ELAC2: variants seen among roughly 807,000 people sequenced by gnomAD.
The protein encoded by ELAC2 is elaC ribonuclease Z 2, also known as zinc phosphodiesterase ELAC protein 2.
ELAC2 carries 92 observed loss-of-function variants against 105.2 expected under a neutral mutation model. That is an observed-to-expected ratio of 0.87 (90% CI 0.74 to 1.04). The LOEUF is 1.04. ELAC2 is among the 50% of genes least tolerant of loss of function. The pLI is 0.00. For missense variants in ELAC2, 1,099 were observed against 1,071.7 expected (o/e 1.03, Z -0.36); for synonymous variants, 468 against 409.1 (o/e 1.14, Z -1.74).
intron 8 of ELAC2, among the ~76,000 whole-genome samples, chr17:13,006,990 G>A (rs1017727094): frequency 2.6e-5 from 4 of 151,844 alleles, no homozygotes; most frequent in South Asian, 2.1e-4. Context: ...GTGTGGTGAC[G>A]TGCGCCTGTA....
chr17:13,002,809 A>T (rs2040890839), intron 12 of ELAC2: 1 of 637,054 alleles, frequency 1.6e-6, no homozygotes, highest in South Asian at 1.9e-5. Context: ...TGAGAGGAAA[A>T]ACAAGAAAAA....
intron 19 of ELAC2, 127 bp downstream of exon 19, chr17:12,995,576 A>G: frequency 1.1e-6 from 1 of 889,132 alleles, no homozygotes; most frequent in Non-Finnish European, 1.8e-6. Flanking sequence ...TGCTTCTGCC[A>G]TCTGGGACCA....
chr17:13,017,866 G>A lies in ELAC2; in HGVS notation c.82C>T (p.Arg28Cys), dbSNP rs763864314. Residue 28 changes from arginine (R) to cysteine (C), a missense_variant, in exon 1 of 24, where the codon CGC (arginine) becomes TGC (cysteine). Coordinates refer to ENST00000338034, the MANE Select transcript of ELAC2 (RefSeq NM_018127.7). ...QGRTISQAPA[R>C]RERPRKDPLR... ...GGGTCCTTGCGCGGCCGCTCGCGGC[G>A]GGCGGGTGCCTGCGATATGGTGCGT... The A allele has an allele frequency of 1.5e-5, 23 of 1,554,516 alleles. No individual in the cohort carries two copies. The Admixed American group carries it at 4.2e-4, about 29-fold the overall frequency.
rs575971002 is a variant in ELAC2 at position 13,013,398 on chromosome 17, G to A, written c.491-123C>T. ...CAGAATTATGGTGGGAATCTGACAC[G>A]AAAACCAGACTTTCTAAGGAGATTA... On this transcript the variant is annotated intron_variant, in intron 5 of 23. Transcript: ENST00000338034. 285 of 1,029,942 alleles carry A rather than the reference G, an allele frequency of 2.8e-4. 1 individual carries two copies. In the African/African-American group the frequency reaches 3.7e-3, roughly 14 times the overall value. The allele number at this position is 1,029,942 out of a possible 1,614,324, so 63.8% of individuals were successfully genotyped here.
Position 12,992,290 on chromosome 17 carries a change from C to T in ELAC2, c.*528G>A, listed in dbSNP as rs2040222254. ...TGACTTCTTCCAAGCCACCCGGGTACCAGGCAGCTGCCACACTACAGCACA... is the reference window on the plus strand; with the variant it reads ...TGACTTCTTCCAAGCCACCCGGGTATCAGGCAGCTGCCACACTACAGCACA... On this transcript the variant is annotated 3_prime_UTR_variant, in exon 24 of 24. Transcript: ENST00000338034. 4.1e-6 allele frequency: 1 copy of T among 241,556 alleles called. No individual in the cohort carries two copies. Among genetic ancestry groups the T allele is most frequent in the African/African-American group, 2.2e-5 (1 of 45,434 alleles). The allele number at this position is 241,556 out of a possible 1,614,324, so 15.0% of individuals were successfully genotyped here. A position where few individuals can be genotyped will look rare whatever the true frequency, so the allele number is the denominator to read the frequency against.
In ELAC2 at chr17:12,992,822, T is replaced by G; in HGVS notation, c.2477A>C (p.Gln826Pro). 1 of 1,614,020 alleles carries G rather than the reference T, an allele frequency of 6.2e-7. No individual in the cohort carries two copies. Among genetic ancestry groups the G allele is most frequent in the South Asian group, 1.1e-5 (1 of 91,088 alleles). Residue 826 changes from glutamine (Q) to proline (P), a missense_variant, in exon 24 of 24, where the codon CAG (glutamine) becomes CCG (proline). Physicochemically the swap from Gln to Pro is moderately conservative, Grantham distance 76. Coordinates refer to ENST00000338034, the MANE Select transcript of ELAC2 (RefSeq NM_018127.7). ...AGTTCAGGGTCTCCCAGATCTTCAC[T>G]GGGCTCTGACCTTCTTGGCCTGTGG... is the stretch of plus-strand genomic sequence containing the variant. ...EEPQAKKVRA[Q>P]
In ELAC2 at chr17:12,995,747, G is replaced by T. The variant is rs371826400; in HGVS notation, c.1764C>A (p.Leu588=). The change falls in exon 19 of 24, where the codon CTC becomes CTA. Residue 588 remains leucine (L), a synonymous_variant. Coordinates refer to ENST00000338034, the MANE Select transcript of ELAC2 (RefSeq NM_018127.7). ...VVAPNQLKAW[L]QQYHNQCQEV... ...CCTGGCACTGGTTGTGGTACTGCTG[G>T]AGCCAGGCTTTGAGCTGGTTGGGGG... is the stretch of plus-strand genomic sequence containing the variant. 6.2e-7 allele frequency: 1 copy of T among 1,613,110 alleles called. No homozygotes were observed. The highest frequency in any genetic ancestry group is 8.5e-7 in the Non-Finnish European group (1 of 1,179,630).
At chr17:13,010,478 C>G in intron 8 of ELAC2, 135 bp downstream of exon 8, 1 of 845,964 alleles carries the variant, frequency 1.2e-6, no homozygotes, top group East Asian at 2.7e-5. Context: ...CTTCCATCAG[C>G]TTTTCTGAAG....
intron 15 of ELAC2, 87 bp from the exon 16 acceptor site, chr17:12,998,595 T>A (rs2040593968): frequency 3.2e-6 from 4 of 1,263,902 alleles, no homozygotes; most frequent in Non-Finnish European, 4.6e-6. Context: ...ATGGTTTGAG[T>A]GTCATTGGTT....
chr17:12,994,547 G>A (rs764948567), intron 21 of ELAC2, 44 bp from the exon 22 acceptor site: 18 of 1,610,620 alleles, frequency 1.1e-5, no homozygotes. Flanking sequence ...CTCTGCGAGA[G>A]CGGCACACAG....
chr17:13,014,620 C>T (rs529902680), intron 4 of ELAC2, 124 bp from the exon 5 acceptor site: 9 of 772,194 alleles, frequency 1.2e-5, no homozygotes, highest in Admixed American at 7.6e-5. Context: ...ATATTTTGAA[C>T]ATCATTTATT....
At chr17:12,993,942 G>T in intron 22 of ELAC2, 111 bp from the exon 23 acceptor site, 1 of 1,531,712 alleles carries the variant, frequency 6.5e-7, no homozygotes, top group Non-Finnish European at 8.9e-7. Flanking sequence ...GGAAGCTGGT[G>T]GGTTTTCTTA....
chr17:12,997,176 G>C (rs950983841), intron 16 of ELAC2, among the ~76,000 whole-genome samples: 1 of 152,166 alleles, frequency 6.6e-6, no homozygotes, highest in Non-Finnish European at 1.5e-5. Flanking sequence ...GGCTGCAGGT[G>C]CTTCATTCAG....
Position 12,995,986 on chromosome 17 carries a change from G to T in ELAC2, c.1660-8C>A, listed in dbSNP as rs1174577441. The T allele has an allele frequency of 1.3e-6, 2 of 1,591,674 alleles. No homozygotes were observed. Among genetic ancestry groups the T allele is most frequent in the African/African-American group, 1.3e-5 (1 of 74,476 alleles). On this transcript the variant is annotated splice_polypyrimidine_tract_variant and splice_region_variant and intron_variant, in intron 17 of 23. Coordinates refer to ENST00000338034, the MANE Select transcript of ELAC2 (RefSeq NM_018127.7). ...CAAGATACTTGGCAAGCCCTGGCAA[G>T]GAAACAGGAGACATGCGTCAGCCAG... is the stretch of plus-strand genomic sequence containing the variant.
In ELAC2 at chr17:13,017,754, G is replaced by A. The variant is rs2041830136; in HGVS notation, c.194C>T (p.Ala65Val). 3.1e-6 allele frequency: 5 copies of A among 1,611,682 alleles called. No homozygotes were observed. Among genetic ancestry groups the A allele is most frequent in the Non-Finnish European group, 4.2e-6 (5 of 1,179,418 alleles). ...CGCGGCGCCCGAGTCCCGGCTACCC[G>A]CTGCCACCACCTGCAGGTACACGGT... Reference protein sequence around the residue: ...PNTVYLQVVAAGSRDSGAALY... With the variant: ...PNTVYLQVVAVGSRDSGAALY... The change falls in exon 1 of 24, where the codon GCG becomes GTG. Residue 65 changes from alanine to valine, a missense_variant. Coordinates refer to ENST00000338034, the MANE Select transcript of ELAC2 (RefSeq NM_018127.7).
intron 6 of ELAC2, 76 bp from the exon 7 acceptor site, chr17:13,011,858 G>A: frequency 2.1e-5 from 34 of 1,609,336 alleles, no homozygotes; most frequent in Non-Finnish European, 2.8e-5. Context: ...GTTCATACAT[G>A]GGAATGCCAG....
chr17:12,994,910 TG>T (rs759969306), intron 20 of ELAC2, 26 bp from the exon 21 acceptor site: 2 of 1,614,088 alleles, frequency 1.2e-6, no homozygotes, highest in Non-Finnish European at 1.7e-6. Flanking sequence ...TGGAGGGCTC[TG>T]CAGCTCTGCT....
intron 3 of ELAC2, 40 bp from the exon 4 acceptor site, chr17:13,015,872 A>C: frequency 6.6e-7 from 1 of 1,507,384 alleles, no homozygotes; most frequent in Non-Finnish European, 9.2e-7. Context: ...CATCAATTTG[A>C]CCTGTCGTCA....
intron 8 of ELAC2, among the ~76,000 whole-genome samples, chr17:13,007,803 GGGA>G (rs950086119): frequency 3.3e-5 from 5 of 152,170 alleles, no homozygotes; most frequent in African/African-American, 1.2e-4. Flanking sequence ...ACTTGAGCCT[GGGA>G]GGAGGAGGTT....
Sources: allele counts gnomAD v4.1 joint callset (sites outside exome capture counted in the v4.1 genomes callset), GRCh38; gene constraint gnomAD v4.1.1; transcripts MANE v1.5; gene names NCBI Gene and HGNC (gene_info 2026-07-23, HGNC 2026-07-21).